Variants in TEAD1 observed in about 807,000 individuals in gnomAD.
TEAD1 encodes the protein transcriptional enhancer factor TEF-1.
In TEAD1, 9 loss-of-function variants were observed where a neutral mutation model predicts 54.9. That is an observed-to-expected ratio of 0.16 (90% CI 0.10 to 0.29). The LOEUF is 0.29. TEAD1 is among the 10% of genes least tolerant of loss of function. The pLI, the probability that TEAD1 is intolerant of heterozygous loss-of-function variation, is 1.00. For synonymous variants in TEAD1, 200 were observed against 187.8 expected, an observed-to-expected ratio of 1.07 and a Z score of -0.53; for missense variants, 387 against 535.9, an observed-to-expected ratio of 0.72 and a Z score of 2.74.
intron 3 of TEAD1, among the ~76,000 whole-genome samples, chr11:12,823,217 T>C (rs1454844772): frequency 6.6e-6 from 1 of 152,202 alleles, no homozygotes; most frequent in Admixed American, 6.5e-5. Flanking sequence ...GTAGGACTTG[T>C]GCATGGAGCT....
At chr11:12,824,658 C>G (rs759052804) in intron 3 of TEAD1, among the ~76,000 whole-genome samples, 2 of 152,196 alleles carry the variant, frequency 1.3e-5, no homozygotes, top group African/African-American at 2.4e-5. Flanking sequence ...AGGCCATTAC[C>G]AGTTTACTCC....
intron 2 of TEAD1, among the ~76,000 whole-genome samples, chr11:12,730,998 G>A (rs554558862): frequency 6.6e-6 from 1 of 152,036 alleles, no homozygotes; most frequent in East Asian, 1.9e-4. Flanking sequence ...TACCATGCCC[G>A]GCCCCTTTCC....
chr11:12,902,709 C>G (rs943289348), intron 10 of TEAD1, among the ~76,000 whole-genome samples: 3 of 152,030 alleles, frequency 2.0e-5, no homozygotes, highest in African/African-American at 7.2e-5. Flanking sequence ...TTTTTTAAAA[C>G]TGTTTTAAGT....
chr11:12,826,717 A>G (rs1207912403), intron 3 of TEAD1, among the ~76,000 whole-genome samples: 5 of 152,226 alleles, frequency 3.3e-5, no homozygotes, highest in African/African-American at 1.2e-4. Flanking sequence ...TTTGAGCATC[A>G]AATGAAAAAA....
intron 5 of TEAD1, among the ~76,000 whole-genome samples, chr11:12,874,620 C>T (rs777018136): frequency 6.6e-6 from 1 of 152,106 alleles, no homozygotes; most frequent in African/African-American, 2.4e-5. Context: ...GCAGAGGCAG[C>T]GAGACCATTG....
intron 3 of TEAD1, among the ~76,000 whole-genome samples, chr11:12,834,218 G>A (rs1946837154): frequency 6.6e-6 from 1 of 152,212 alleles, no homozygotes; most frequent in African/African-American, 2.4e-5. Context: ...GTAGAGGGGA[G>A]GGTGAGATAT....
chr11:12,878,528 G>C (rs1041309293), intron 5 of TEAD1, among the ~76,000 whole-genome samples: 4 of 152,100 alleles, frequency 2.6e-5, no homozygotes, highest in African/African-American at 9.7e-5. Flanking sequence ...TGCCTACGAG[G>C]CTCAAAGCCC....
Position 12,924,892 on chromosome 11 carries a change from C to T in TEAD1, c.874-20C>T, listed in dbSNP as rs751005183. ...CCTGGGATGAGAGAATAACCCACACCTCCATTTCCTTTCCAACAGGCTGAT... is the reference window on the plus strand; with the variant it reads ...CCTGGGATGAGAGAATAACCCACACTTCCATTTCCTTTCCAACAGGCTGAT... On this transcript the variant is annotated intron_variant, in intron 10 of 12. Coordinates refer to ENST00000527636, the MANE Select transcript of TEAD1 (RefSeq NM_021961.6). The T allele has an allele frequency of 6.2e-7, 1 of 1,613,966 alleles. No individual in the cohort carries two copies. Among genetic ancestry groups the T allele is most frequent in the Non-Finnish European group, 8.5e-7 (1 of 1,179,970 alleles).
rs1021066996 is a variant in TEAD1 at position 12,858,772 on chromosome 11, G to C, written c.203-3478G>C. Among the ~76,000 whole-genome samples the C allele has an allele frequency of 5.9e-5, 9 of 152,332 alleles. No individual in the cohort carries two copies. The East Asian group carries it at 1.7e-3, about 29-fold the overall frequency. ...AGGCCACAGTACTCAGTAAGGACCT[G>C]TTGAAGTCATAATTTTTAGAAGTCA... On this transcript the variant is annotated intron_variant, in intron 3 of 12. Transcript: ENST00000527636.
chr11:12,835,457 G>A (rs573977669), intron 3 of TEAD1, among the ~76,000 whole-genome samples: 9 of 151,770 alleles, frequency 5.9e-5, no homozygotes, highest in South Asian at 2.1e-4. Flanking sequence ...TTATAGGCTC[G>A]TGCCAGCACA....
At position 12,938,327 on chromosome 11, in the gene TEAD1, A is replaced by G. The variant is rs1412822360; in HGVS notation, c.*1105A>G. On this transcript the variant is annotated 3_prime_UTR_variant, in exon 13 of 13. Coordinates refer to ENST00000527636, the MANE Select transcript of TEAD1 (RefSeq NM_021961.6). ...GTTTTAGCATCTCTGCTCCCCAGAA[A>G]ATTGTAAGCATCCTCACCAGCCTGT... 1.3e-5 allele frequency: 2 copies of G among 152,636 alleles called. No homozygotes were observed. The highest frequency in any genetic ancestry group is 2.9e-5 in the Non-Finnish European group (2 of 68,040). 9.5% of individuals were successfully genotyped at this position (152,636 alleles called of 1,614,324 possible).
intron 10 of TEAD1, chr11:12,922,949 A>AAAG (rs1948837557): frequency 1.4e-5 from 2 of 142,568 alleles, no homozygotes; most frequent in Non-Finnish European, 3.1e-5. Context: ...AAAAAAAAAA[A>AAAG]GTGCCAAACC....
At chr11:12,683,588 G>T (rs149113430) in intron 2 of TEAD1, among the ~76,000 whole-genome samples, 1 of 152,014 alleles carries the variant, frequency 6.6e-6, no homozygotes, top group African/African-American at 2.4e-5. Context: ...AGGAACAGGG[G>T]GATTTTTTCC....
chr11:12,912,240 C>G (rs778209152), intron 10 of TEAD1, among the ~76,000 whole-genome samples: 33 of 152,076 alleles, frequency 2.2e-4, no homozygotes, highest in Non-Finnish European at 3.1e-4. Context: ...ATTGAGAGTT[C>G]TGATTTGCAG....
intron 3 of TEAD1, among the ~76,000 whole-genome samples, chr11:12,799,723 C>G (rs1335646105): frequency 6.6e-6 from 1 of 152,188 alleles, no homozygotes; most frequent in Non-Finnish European, 1.5e-5. Context: ...AACCCAAGTC[C>G]TCTTAATCCT....
chr11:12,902,806 C>A (rs764915984), intron 10 of TEAD1, among the ~76,000 whole-genome samples: 6 of 152,068 alleles, frequency 3.9e-5, no homozygotes, highest in African/African-American at 7.2e-5. Context: ...ACCCCTGTTG[C>A]CCCACCTGTC....
intron 2 of TEAD1, among the ~76,000 whole-genome samples, chr11:12,724,154 A>G (rs978452646): frequency 2.0e-5 from 3 of 152,170 alleles, no homozygotes; most frequent in African/African-American, 7.2e-5. Context: ...CTGAGGCCAC[A>G]CTGTCCCCTC....
At chr11:12,868,786 T>G (rs954109876) in intron 5 of TEAD1, among the ~76,000 whole-genome samples, 2 of 152,238 alleles carry the variant, frequency 1.3e-5, no homozygotes, top group East Asian at 1.9e-4. Context: ...TAGGTCCTTT[T>G]GTAGACGTTG....
Position 12,937,396 on chromosome 11 carries a change from A to G in TEAD1, c.*174A>G. ...CTTGTTTGAGTGAAGTCATTTTTTC[A>G]TGTGTTCATACTATCATTGTAGCTG... On this transcript the variant is annotated 3_prime_UTR_variant, in exon 13 of 13. Transcript: ENST00000527636. The G allele has an allele frequency of 1.8e-6, 1 of 555,120 alleles. No individual in the cohort carries two copies. Among genetic ancestry groups the G allele is most frequent in the African/African-American group, 1.9e-5 (1 of 52,802 alleles). The allele number at this position is 555,120 out of a possible 1,614,324, so 34.4% of individuals were successfully genotyped here.
Sources: allele counts gnomAD v4.1 joint callset (sites outside exome capture counted in the v4.1 genomes callset), GRCh38; gene constraint gnomAD v4.1.1; transcripts MANE v1.5; gene names NCBI Gene and HGNC (gene_info 2026-07-23, HGNC 2026-07-21).